The following VANGL2 variants were observed in gnomAD, a reference collection of about 807,000 sequenced individuals.
VANGL2 encodes the protein vang-like protein 2.
VANGL2 carries 14 observed loss-of-function variants against 50.2 expected under a neutral mutation model. That is an observed-to-expected ratio of 0.28 (90% CI 0.18 to 0.44). The LOEUF (loss-of-function observed/expected upper bound fraction) is 0.44, where lower values mean the gene tolerates loss of function less well. Among genes scored for constraint, VANGL2 ranks in the 20% least tolerant of loss-of-function variants. VANGL2 has a pLI of 1.00. For synonymous variants in VANGL2, 295 were observed against 297.2 expected (o/e 0.99, Z 0.08); for missense variants, 533 against 701.5 (o/e 0.76, Z 2.71).
chr1:160,406,002 A>G (rs572899809), intron 1 of VANGL2, among the ~76,000 whole-genome samples: 2 of 152,268 alleles, frequency 1.3e-5, no homozygotes, highest in East Asian at 1.9e-4. Flanking sequence ...TGGACCCACT[A>G]AAGGAGAAAA....
chr1:160,420,692 C>A, intron 5 of VANGL2, 145 bp downstream of exon 5: 1 of 1,288,478 alleles, frequency 7.8e-7, no homozygotes, highest in South Asian at 1.3e-5. Flanking sequence ...TCCCTTGACT[C>A]CAGGTGGCTG....
At chr1:160,413,393 C>T (rs1271599729) in intron 1 of VANGL2, among the ~76,000 whole-genome samples, 2 of 151,736 alleles carry the variant, frequency 1.3e-5, no homozygotes, top group African/African-American at 4.8e-5. Context: ...CAGTTCTCTG[C>T]CTCAGCCTCC....
chr1:160,410,782 A>G (rs925382593), intron 1 of VANGL2, among the ~76,000 whole-genome samples: 1 of 151,844 alleles, frequency 6.6e-6, no homozygotes, highest in African/African-American at 2.4e-5. Context: ...GAGGCCTCCA[A>G]TTGTTTCCTG....
intron 2 of VANGL2, 63 bp downstream of exon 2, chr1:160,415,971 G>T (rs568495236): frequency 7.6e-5 from 122 of 1,614,150 alleles, no homozygotes; most frequent in Non-Finnish European, 9.4e-5. Flanking sequence ...TAAGAGGTGG[G>T]CACGTGCAGG....
At position 160,419,010 on chromosome 1, in the gene VANGL2, C is replaced by CG; in HGVS notation, c.201_202insG (p.Trp68ValfsTer19). The CG allele has an allele frequency of 1.9e-6, 3 of 1,605,748 alleles. No individual in the cohort carries two copies. Among genetic ancestry groups the CG allele is most frequent in the Non-Finnish European group, 2.6e-6 (3 of 1,173,968 alleles). ...CCCCCTTCTGCCTGTAGGATGACAA[C>CG]TGGGGGGAAACGACGACAGTAGTAA... On this transcript the variant is annotated frameshift_variant, in exon 4 of 8. Transcript: ENST00000368061. LOFTEE classifies it high-confidence loss of function. This position sits in a 1 kb window ranked among gnomAD's most constrained non-coding sequence, Gnocchi z 5.8.
At position 160,412,158 on chromosome 1, in the gene VANGL2, A is replaced by T. The variant is rs534771856; in HGVS notation, c.-190-3490A>T. On this transcript the variant is annotated intron_variant, in intron 1 of 7. Coordinates refer to ENST00000368061, the MANE Select transcript of VANGL2 (RefSeq NM_020335.3). ...AGCACAGAGGTGTTAAGTAACTTGC[A>T]CATAGTCACACAGCTAGTCAGTGGA... Among the ~76,000 whole-genome samples, 36 of 152,336 alleles carry T rather than the reference A, an allele frequency of 2.4e-4. No homozygotes were observed. In the South Asian group the frequency reaches 7.2e-3, roughly 31 times the overall value.
chr1:160,421,989 A>G (rs12083518), intron 6 of VANGL2, among the ~76,000 whole-genome samples: 39,015 of 152,082 alleles, frequency 0.26, 5,307 homozygotes, highest in Middle Eastern at 0.32. Flanking sequence ...TATTAAGTGA[A>G]TTTAGTCAAC....
chr1:160,417,605 C>T (rs1370208023), intron 3 of VANGL2, among the ~76,000 whole-genome samples: 1 of 152,242 alleles, frequency 6.6e-6, no homozygotes, highest in African/African-American at 2.4e-5. Context: ...ACCCCTTTAC[C>T]CCTGGGGTCT....
At chr1:160,422,833 T>G (rs1255783636) in intron 6 of VANGL2, among the ~76,000 whole-genome samples, 1 of 152,168 alleles carries the variant, frequency 6.6e-6, no homozygotes, top group East Asian at 1.9e-4. Context: ...AAAAGCTATA[T>G]GTATCCTTGT....
intron 5 of VANGL2, 62 bp downstream of exon 5, chr1:160,420,609 C>T (rs1651235264): frequency 6.2e-7 from 1 of 1,612,208 alleles, no homozygotes; most frequent in South Asian, 1.1e-5. Flanking sequence ...CAAGTTCCCG[C>T]CTCTCTTTTA....
chr1:160,411,525 C>G (rs1213143781), intron 1 of VANGL2, among the ~76,000 whole-genome samples: 1 of 152,116 alleles, frequency 6.6e-6, no homozygotes, highest in Non-Finnish European at 1.5e-5. Flanking sequence ...TCCCAGGCCC[C>G]CCAGCAGCAG....
At chr1:160,417,284 C>T (rs186020663) in intron 3 of VANGL2, among the ~76,000 whole-genome samples, 2 of 152,314 alleles carry the variant, frequency 1.3e-5, no homozygotes, top group Non-Finnish European at 2.9e-5. Context: ...TGCCTTCATC[C>T]TGTAACCTCA....
At chr1:160,421,009 C>T in intron 5 of VANGL2, 43 bp from the exon 6 acceptor site, 2 of 1,613,130 alleles carry the variant, frequency 1.2e-6, no homozygotes, top group Non-Finnish European at 8.5e-7. Context: ...GAAGAGAGGC[C>T]ACACTCTGAT....
intron 2 of VANGL2, 47 bp downstream of exon 2, chr1:160,415,955 G>T: frequency 6.2e-7 from 1 of 1,614,166 alleles, no homozygotes. Flanking sequence ...GAGGGTTGGG[G>T]GCTGTTAAGA....
intron 1 of VANGL2, among the ~76,000 whole-genome samples, chr1:160,410,696 A>ACACACACACACACG (rs958609395): frequency 9.4e-5 from 14 of 149,456 alleles, no homozygotes; most frequent in African/African-American, 3.5e-4. Flanking sequence ...ACACACACAC[A>ACACACACACACACG]CACGCACGCA....
intron 1 of VANGL2, among the ~76,000 whole-genome samples, chr1:160,412,775 TTA>T (rs1182831058): frequency 6.6e-6 from 1 of 152,222 alleles, no homozygotes; most frequent in African/African-American, 2.4e-5. Context: ...CCTACAGTCA[TTA>T]TAGTTTCCCT....
intron 5 of VANGL2, 42 bp downstream of exon 5, chr1:160,420,589 A>G: frequency 6.2e-7 from 1 of 1,613,706 alleles, no homozygotes; most frequent in Non-Finnish European, 8.5e-7. Flanking sequence ...TCTCTTCCCA[A>G]GCAGGACTCC....
In VANGL2 at chr1:160,425,599, C is replaced by T. The variant is rs958047939; in HGVS notation, c.*221C>T. The T allele has an allele frequency of 2.8e-5, 16 of 562,476 alleles. No homozygotes were observed. Among genetic ancestry groups the T allele is most frequent in the Non-Finnish European group, 3.1e-6 (1 of 319,072 alleles). 34.8% of individuals were successfully genotyped at this position (562,476 alleles called of 1,614,324 possible). A position where few individuals can be genotyped will look rare whatever the true frequency, so the allele number is the denominator to read the frequency against. On this transcript the variant is annotated 3_prime_UTR_variant, in exon 8 of 8. Coordinates refer to ENST00000368061, the MANE Select transcript of VANGL2 (RefSeq NM_020335.3). ...TGCTGTCAACAGTACCTGGGAAGGA[C>T]TCCCACCTCACCAACAACTTTTGTA...
At position 160,416,171 on chromosome 1, in the gene VANGL2, G is replaced by C. The variant is rs763883989; in HGVS notation, c.181G>C (p.Gly61Arg). Residue 61 changes from glycine to arginine, a missense_variant, in exon 3 of 8, where the codon GGG becomes CGG. Physicochemically the swap from Gly to Arg is moderately radical, Grantham distance 125. Transcript: ENST00000368061. ...EPLLDNESTR[G>R]DERDDNWGET... The stretch of plus-strand genomic sequence containing the variant: ...CCTGCTGGACAATGAGTCCACACGA[G>C]GGGATGAGCGGGTGAGCACTGGGGA... The C allele has an allele frequency of 3.7e-5, 60 of 1,614,074 alleles. No homozygotes were observed. The highest frequency in any genetic ancestry group is 5.0e-5 in the Non-Finnish European group (59 of 1,180,032).
Sources: gnomAD v4.1 joint callset for allele counts (sites outside exome capture counted in the v4.1 genomes callset) on GRCh38, gnomAD v4.1.1 for gene constraint, Gnocchi (gnomAD v3.1) non-coding constraint, MANE v1.5 for transcripts, NCBI Gene and HGNC (gene_info 2026-07-23, HGNC 2026-07-21) for gene names.